The following GAN variants were observed in gnomAD, a reference collection of about 807,000 sequenced individuals.
The protein encoded by GAN is epididymis secretory sperm binding protein.
Under a neutral mutation model 71.3 loss-of-function variants are expected in GAN, and 48 were observed. The ratio of observed to expected loss-of-function variants is 0.67; its 90% CI spans 0.53 to 0.86. The LOEUF (loss-of-function observed/expected upper bound fraction) is 0.86. GAN is among the 40% of genes least tolerant of loss of function. The pLI is 0.00. For missense variants in GAN, 928 were observed against 770.1 expected, an observed-to-expected ratio of 1.21 and a Z score of -2.43; for synonymous variants, 386 against 276.8, an observed-to-expected ratio of 1.39 and a Z score of -3.92.
At position 81,383,021 on chromosome 16, in the gene GAN, C is replaced by G. The variant is rs1904313570; in HGVS notation, c.*5425C>G. 1 of 151,262 alleles carries G rather than the reference C, an allele frequency of 6.6e-6. No individual in the cohort carries two copies. The highest frequency in any genetic ancestry group is 1.5e-5 in the Non-Finnish European group (1 of 67,892). 9.4% of individuals were successfully genotyped at this position (151,262 alleles called of 1,614,324 possible). On this transcript the variant is annotated 3_prime_UTR_variant, in exon 11 of 11. Coordinates refer to ENST00000648994, the MANE Select transcript of GAN (RefSeq NM_022041.4). The stretch of plus-strand genomic sequence containing the variant: ...TAGAAACTGGGTTTTGCTCTGTTGC[C>G]CAGGCTGATCTTAAACTCCTGGCCT...
chr16:81,350,962 C>G (rs898242064), intron 1 of GAN, among the ~76,000 whole-genome samples: 36 of 152,140 alleles, frequency 2.4e-4, no homozygotes, highest in African/African-American at 8.7e-4. Flanking sequence ...AACTAAAGAA[C>G]CAGTGTGATA....
chr16:81,353,282 ACTCCGT>A (rs1334478326), intron 2 of GAN, among the ~76,000 whole-genome samples: 1 of 106,498 alleles, frequency 9.4e-6, no homozygotes, highest in Non-Finnish European at 1.8e-5. Flanking sequence ...ACAGAGCGAG[ACTCCGT>A]CTCAAAAAAA....
At chr16:81,360,061 G>GGACGGATA (rs1910623416) in intron 5 of GAN, among the ~76,000 whole-genome samples, 1 of 124,034 alleles carries the variant, frequency 8.1e-6, no homozygotes, top group Non-Finnish European at 1.8e-5. Flanking sequence ...ATGGATGGAT[G>GGACGGATA]GATGGATAGA....
Position 81,354,513 on chromosome 16 carries a change from G to T in GAN, c.391G>T (p.Ala131Ser). The change falls in exon 3 of 11, where the codon GCT becomes TCT. Residue 131 changes from alanine (A) to serine (S), a missense_variant. Coordinates refer to ENST00000648994, the MANE Select transcript of GAN (RefSeq NM_022041.4). ...CCEFLEGCIA[A>S]ENCIGIRDFA... ...TGAGTTTTTGGAAGGCTGCATTGCT[G>T]CTGAGAACTGTATTGGTATCCGTGA... The T allele has an allele frequency of 6.2e-7, 1 of 1,614,000 alleles. No individual in the cohort carries two copies.
chr16:81,346,740 C>T (rs1385209125), intron 1 of GAN, among the ~76,000 whole-genome samples: 1 of 152,160 alleles, frequency 6.6e-6, no homozygotes, highest in Non-Finnish European at 1.5e-5. Context: ...TTGAAGGAGG[C>T]TCTGGGGAAA....
intron 3 of GAN, 68 bp from the exon 4 acceptor site, chr16:81,356,717 G>C (rs1173857134): frequency 9.1e-7 from 1 of 1,099,014 alleles, no homozygotes; most frequent in Non-Finnish European, 1.4e-6. Context: ...GGTGGAAAAT[G>C]TAGATTCTAA....
In GAN at chr16:81,314,981, CG is replaced by C; in HGVS notation, c.-128del. 3 of 733,160 alleles carry C rather than the reference CG, an allele frequency of 4.1e-6. No individual in the cohort carries two copies. Among genetic ancestry groups the C allele is most frequent in the Non-Finnish European group, 5.9e-6 (3 of 509,538 alleles). The allele number at this position is 733,160 out of a possible 1,614,324, so 45.4% of individuals were successfully genotyped here. A position where few individuals can be genotyped will look rare whatever the true frequency, so the allele number is the denominator to read the frequency against. On this transcript the variant is annotated 5_prime_UTR_variant, in exon 1 of 11. Coordinates refer to ENST00000648994, the MANE Select transcript of GAN (RefSeq NM_022041.4). ...CGCCGCGGATAGCACAGGCACGTCCCGGGGGCTCCAGCTTCTGCTCAGAGCG... is the reference window on the plus strand; with the variant it reads ...CGCCGCGGATAGCACAGGCACGTCCCGGGGCTCCAGCTTCTGCTCAGAGCG...
intron 1 of GAN, among the ~76,000 whole-genome samples, chr16:81,327,294 G>T (rs1372266271): frequency 6.6e-6 from 1 of 152,200 alleles, no homozygotes; most frequent in Non-Finnish European, 1.5e-5. Flanking sequence ...TATAGCAGTG[G>T]ATTATAAATT....
chr16:81,369,368 A>C (rs1238603880), intron 9 of GAN, among the ~76,000 whole-genome samples: 1 of 152,220 alleles, frequency 6.6e-6, no homozygotes, highest in African/African-American at 2.4e-5. Flanking sequence ...ACCATGAAAG[A>C]GTAGAAAATG....
In GAN at chr16:81,356,146, T is replaced by G. The variant is rs115740537; in HGVS notation, c.634-639T>G. 6.9e-3 allele frequency among the ~76,000 whole-genome samples: 1,049 copies of G among 152,364 alleles called. 18 individuals carry two copies. Among genetic ancestry groups the G allele is most frequent in the African/African-American group, 0.024 (1,000 of 41,584 alleles). ...TGTCCTTTGGTCAGTTTAAACTTCA[T>G]GCTGTAAAGACAGTTGATTTTTAAA... On this transcript the variant is annotated intron_variant, in intron 3 of 10. Coordinates refer to ENST00000648994, the MANE Select transcript of GAN (RefSeq NM_022041.4).
intron 2 of GAN, among the ~76,000 whole-genome samples, chr16:81,352,591 G>A (rs1910335915): frequency 6.6e-6 from 1 of 152,048 alleles, no homozygotes; most frequent in Non-Finnish European, 1.5e-5. Context: ...TGTAGGGGCT[G>A]TTTGTCTTAC....
chr16:81,358,595 T>TGAGACCCTG (rs1167428261), intron 5 of GAN, among the ~76,000 whole-genome samples: 10 of 150,276 alleles, frequency 6.7e-5, no homozygotes, highest in African/African-American at 2.5e-4. Flanking sequence ...GGTGACAGAG[T>TGAGACCCTG]GAGACCCTGT....
In GAN at chr16:81,386,458, T is replaced by A. The variant is rs1332403863; in HGVS notation, c.*8862T>A. The stretch of plus-strand genomic sequence containing the variant: ...GCATGTGTCTGTGTGTGTGGAACTT[T>A]TGTACCTTTGCATAAAGAAGGTTAT... On this transcript the variant is annotated 3_prime_UTR_variant, in exon 11 of 11. Transcript: ENST00000648994. 2 of 152,262 alleles carry A rather than the reference T, an allele frequency of 1.3e-5. No homozygotes were observed. Among genetic ancestry groups the A allele is most frequent in the East Asian group, 3.8e-4 (2 of 5,204 alleles). 9.4% of individuals were successfully genotyped at this position (152,262 alleles called of 1,614,324 possible). A position where few individuals can be genotyped will look rare whatever the true frequency, so the allele number is the denominator to read the frequency against.
intron 4 of GAN, among the ~76,000 whole-genome samples, chr16:81,357,440 C>T (rs892585135): frequency 6.6e-6 from 1 of 152,302 alleles, no homozygotes; most frequent in East Asian, 1.9e-4. Context: ...ATGAACTCAT[C>T]CTTTTTTATG....
intron 4 of GAN, 86 bp downstream of exon 4, chr16:81,357,088 A>C: frequency 1.1e-6 from 1 of 881,136 alleles, no homozygotes; most frequent in Non-Finnish European, 1.9e-6. Context: ...GCTTTTCAGT[A>C]TCTAAAACAT....
rs1443112035 is a variant in GAN, at chr16:81,378,224, C to G, written c.*628C>G. The G allele has an allele frequency of 2.6e-5, 4 of 156,142 alleles. No homozygotes were observed. The highest frequency in any genetic ancestry group is 7.2e-5 in the African/African-American group (3 of 41,450). The allele number at this position is 156,142 out of a possible 1,614,324, so 9.7% of individuals were successfully genotyped here. Reference sequence around the variant, plus strand: ...TAAAATTGCTCTTTTGTAACTTTATCTTAGTAATGTAAAGATTCAGTAAAT... The same window carrying G: ...TAAAATTGCTCTTTTGTAACTTTATGTTAGTAATGTAAAGATTCAGTAAAT... On this transcript the variant is annotated 3_prime_UTR_variant, in exon 11 of 11. Coordinates refer to ENST00000648994, the MANE Select transcript of GAN (RefSeq NM_022041.4).
chr16:81,348,968 A>G (rs1023206100), intron 1 of GAN, among the ~76,000 whole-genome samples: 3 of 152,304 alleles, frequency 2.0e-5, no homozygotes, highest in African/African-American at 7.2e-5. Context: ...CCTCTCAGTT[A>G]CAATACACCT....
At chr16:81,353,006 T>C (rs113758110) in intron 2 of GAN, among the ~76,000 whole-genome samples, 5,852 of 152,316 alleles carry the variant, frequency 0.038, 172 homozygotes, top group African/African-American at 0.079. Context: ...AAAACGATAG[T>C]TGGGGCCGGG....
At chr16:81,359,684 T>C (rs961443018) in intron 5 of GAN, among the ~76,000 whole-genome samples, 2 of 152,136 alleles carry the variant, frequency 1.3e-5, no homozygotes, top group African/African-American at 2.4e-5. Flanking sequence ...CCCTTATCAA[T>C]GAGGGATGCA....
Sources: gnomAD v4.1 joint callset for allele counts (sites outside exome capture counted in the v4.1 genomes callset) on GRCh38, gnomAD v4.1.1 for gene constraint, MANE v1.5 for transcripts, NCBI Gene and HGNC (gene_info 2026-07-23, HGNC 2026-07-21) for gene names.